Variants in IFT56 observed in about 807,000 individuals in gnomAD.
The protein encoded by IFT56 is intraflagellar transport 56.
the IFT56 span, among the ~76,000 whole-genome samples, chr7:139,171,640 A>G: frequency 6.6e-6 from 1 of 152,230 alleles, no homozygotes; most frequent in Non-Finnish European, 1.5e-5. Flanking sequence ...ATCCATATGC[A>G]GAAGAATGAA....
the IFT56 span, among the ~76,000 whole-genome samples, chr7:139,165,553 T>A: frequency 1.3e-5 from 2 of 152,172 alleles, no homozygotes; most frequent in Non-Finnish European, 2.9e-5. Context: ...TTTTCTAGTT[T>A]CCCCCACTGC....
At chr7:139,139,526 C>G in the IFT56 span, among the ~76,000 whole-genome samples, 45 of 151,998 alleles carry the variant, frequency 3.0e-4, no homozygotes, top group Admixed American at 2.6e-3. Context: ...TGTATTAAAG[C>G]CATCAGATTT....
At chr7:139,135,597 TCGATTCCTGGGCTCCTGCTGTAAGTCTGC>T in the IFT56 span, among the ~76,000 whole-genome samples, 3 of 152,232 alleles carry the variant, frequency 2.0e-5, no homozygotes, top group African/African-American at 7.2e-5. Context: ...TAATAAGATA[TCGATTCCTGGGCTCCTGCTGTAAGTCTGC>T]AGAGGTGCTC....
the IFT56 span, chr7:139,147,322 C>A: frequency 1.3e-6 from 2 of 1,552,816 alleles, no homozygotes; most frequent in African/African-American, 2.8e-5. Flanking sequence ...CTCTCCATTC[C>A]TTTCATTTTG....
chr7:139,179,480 C>A, the IFT56 span: 1 of 983,700 alleles, frequency 1.0e-6, no homozygotes, highest in Non-Finnish European at 1.6e-6. Context: ...GTCTATAATG[C>A]TACAGTGATC....
At chr7:139,148,453 ACT>A in the IFT56 span, 1 of 1,385,370 alleles carries the variant, frequency 7.2e-7, no homozygotes, top group Non-Finnish European at 1.0e-6. Flanking sequence ...TATTCATGAA[ACT>A]CTGTTATCTG....
At chr7:139,179,450 A>G in the IFT56 span, 1 of 675,452 alleles carries the variant, frequency 1.5e-6, no homozygotes, top group South Asian at 1.9e-5. Flanking sequence ...TTTTCTTAGC[A>G]GCCTGTATAG....
At chr7:139,168,473 G>T in the IFT56 span, 1 of 1,114,174 alleles carries the variant, frequency 9.0e-7, no homozygotes, top group Non-Finnish European at 1.4e-6. Context: ...GACTATCAAA[G>T]TGCAAGCAGC....
the IFT56 span, among the ~76,000 whole-genome samples, chr7:139,180,364 TTGTCTC>T: frequency 6.6e-6 from 1 of 150,630 alleles, no homozygotes; most frequent in African/African-American, 2.4e-5. Flanking sequence ...GAACTTTACT[TTGTCTC>T]TGTCTCTAAC....
chr7:139,133,989 T>C, the IFT56 span: 29 of 1,110,920 alleles, frequency 2.6e-5, no homozygotes, highest in African/African-American at 3.8e-4. Flanking sequence ...CTCCCTGTGT[T>C]CCCACGGGGG....
At chr7:139,182,648 A>G in the IFT56 span, among the ~76,000 whole-genome samples, 3 of 152,192 alleles carry the variant, frequency 2.0e-5, no homozygotes, top group African/African-American at 7.2e-5. Flanking sequence ...TAGCAGCAGC[A>G]GGAGCAGCAA....
chr7:139,172,650 G>T, the IFT56 span: 2 of 610,572 alleles, frequency 3.3e-6, no homozygotes, highest in Non-Finnish European at 6.4e-6. Context: ...AAAGCCTTCA[G>T]ATTTTTCTCA....
the IFT56 span, among the ~76,000 whole-genome samples, chr7:139,141,227 C>T: frequency 6.7e-6 from 1 of 150,022 alleles, no homozygotes; most frequent in Admixed American, 6.6e-5. Context: ...CGCCACTGCA[C>T]TCCAACCTGG....
At chr7:139,157,810 T>C in the IFT56 span, among the ~76,000 whole-genome samples, 1 of 152,152 alleles carries the variant, frequency 6.6e-6, no homozygotes, top group Non-Finnish European at 1.5e-5. Flanking sequence ...TTTGCCTTTG[T>C]ATTGGTCTTT....
At chr7:139,187,560 T>TA in the IFT56 span, 37 of 1,613,156 alleles carry the variant, frequency 2.3e-5, 1 homozygote, top group South Asian at 4.1e-4. Context: ...AGGCAAGAAA[T>TA]ACTACCTCTA....
the IFT56 span, among the ~76,000 whole-genome samples, chr7:139,183,215 GA>G: frequency 0.038 from 5,740 of 152,102 alleles, 400 homozygotes; most frequent in Admixed American, 0.19. Context: ...AACATCAAAG[GA>G]AGATAACTAC....
At chr7:139,175,885 G>A in the IFT56 span, among the ~76,000 whole-genome samples, 4 of 151,926 alleles carry the variant, frequency 2.6e-5, no homozygotes, top group African/African-American at 4.8e-5. Context: ...GCTGGAATGC[G>A]GTGGCATGAT....
At chr7:139,135,915 C>CTTTTTTT in the IFT56 span, among the ~76,000 whole-genome samples, 3 of 149,558 alleles carry the variant, frequency 2.0e-5, no homozygotes, top group African/African-American at 2.5e-5. Flanking sequence ...AGTTCACTTT[C>CTTTTTTT]TTTTTTTTTT....
At chr7:139,160,973 A>T in the IFT56 span, 1 of 1,613,636 alleles carries the variant, frequency 6.2e-7, no homozygotes, top group Admixed American at 1.7e-5. Context: ...TTGATGGACA[A>T]TGCTTCTTCA....
Sources: allele counts gnomAD v4.1 joint callset (sites outside exome capture counted in the v4.1 genomes callset), GRCh38; gene constraint gnomAD v4.1.1; transcripts MANE v1.5; gene names NCBI Gene and HGNC (gene_info 2026-07-23, HGNC 2026-07-21).